The following SART3 variants were observed in gnomAD, a reference collection of about 807,000 sequenced individuals.
The protein encoded by SART3 is spliceosome associated factor 3, U4/U6 recycling protein, also known as HIV-1 Tat-interacting protein of 110kDa.
Under a neutral mutation model 122.3 loss-of-function variants are expected in SART3, and 44 were observed. The observed-to-expected ratio is 0.36, with a 90% CI of 0.28 to 0.46. SART3 has a LOEUF of 0.46. Ranked by LOEUF, SART3 falls within the 20% of genes least tolerant of loss-of-function variation. SART3 has a pLI of 1.00. For missense variants in SART3, 1,101 were observed against 1,229.0 expected, an observed-to-expected ratio of 0.90 and a Z score of 1.56; for synonymous variants, 442 against 454.0, an observed-to-expected ratio of 0.97 and a Z score of 0.34.
chr12:108,538,287 A>AG, intron 7 of SART3, 84 bp from the exon 8 acceptor site: 3 of 1,449,144 alleles, frequency 2.1e-6, no homozygotes, highest in Non-Finnish European at 2.9e-6. Flanking sequence ...CGACCAAGTG[A>AG]TGAAAGAAAT....
chr12:108,524,152 A>ACAAGG, intron 18 of SART3, 164 bp downstream of exon 18: 1 of 715,028 alleles, frequency 1.4e-6, no homozygotes, highest in East Asian at 2.5e-5. Flanking sequence ...CCTGCTCTGG[A>ACAAGG]CGCCTTGCTC....
At chr12:108,560,515 GAA>G in intron 1 of SART3, 1 of 403,250 alleles carries the variant, frequency 2.5e-6, no homozygotes, top group South Asian at 1.1e-4. Flanking sequence ...GGGAGTTCTG[GAA>G]TGGGATCAAA....
chr12:108,527,248 C>T (rs1224807167), intron 15 of SART3, among the ~76,000 whole-genome samples: 1 of 152,218 alleles, frequency 6.6e-6, no homozygotes, highest in African/African-American at 2.4e-5. Context: ...ACCACTCCAG[C>T]CTCCTCGACC....
In SART3 at chr12:108,549,595, C is replaced by T. The variant is rs144209679; in HGVS notation, c.313-381G>A. ...TAGTTTCTAGCTCATACCAGGTCTT[C>T]CAAGGATTTAAAAAATTTCTACTGT... On this transcript the variant is annotated intron_variant, in intron 1 of 18. Coordinates refer to ENST00000546815, the MANE Select transcript of SART3 (RefSeq NM_014706.4). Among the ~76,000 whole-genome samples the T allele has an allele frequency of 2.9e-3, 449 of 152,234 alleles. 1 individual carries two copies. The highest frequency in any genetic ancestry group is 4.8e-3 in the Admixed American group (74 of 15,294).
Position 108,556,633 on chromosome 12 carries a change from C to T in SART3, c.312+4210G>A, listed in dbSNP as rs192227358. 9.8e-5 allele frequency among the ~76,000 whole-genome samples: 15 copies of T among 152,328 alleles called. No individual in the cohort carries two copies. The East Asian group carries it at 2.5e-3, about 25-fold the overall frequency. The stretch of plus-strand genomic sequence containing the variant: ...ACAAGTGTTCTAATCCCCACTTGTT[C>T]TGTTTCCTCATCTGTACCATGAAAG... On this transcript the variant is annotated intron_variant, in intron 1 of 18. Transcript: ENST00000546815.
intron 15 of SART3, among the ~76,000 whole-genome samples, chr12:108,527,406 A>G (rs1872433427): frequency 6.6e-6 from 1 of 152,032 alleles, no homozygotes; most frequent in East Asian, 1.9e-4. Context: ...TGCCACAGTC[A>G]CTCGGTCTTC....
intron 6 of SART3, among the ~76,000 whole-genome samples, chr12:108,541,952 C>T (rs1469379673): frequency 6.6e-6 from 1 of 151,050 alleles, no homozygotes; most frequent in African/African-American, 2.4e-5. Context: ...CTCCTACCTT[C>T]GCCTCTGGAG....
At chr12:108,536,367 G>A (rs1293683377) in intron 11 of SART3, 147 bp downstream of exon 11, 8 of 795,442 alleles carry the variant, frequency 1.0e-5, no homozygotes, top group Admixed American at 6.0e-5. Flanking sequence ...AATCCTTGTG[G>A]AGCCTAGACC....
chr12:108,559,089 C>T (rs2030360552), intron 1 of SART3, among the ~76,000 whole-genome samples: 1 of 151,004 alleles, frequency 6.6e-6, no homozygotes, highest in Non-Finnish European at 1.5e-5. Context: ...CTGCCAACCC[C>T]AACAGGTTCC....
Position 108,526,115 on chromosome 12 carries a change from T to C in SART3, c.2354A>G (p.Lys785Arg), listed in dbSNP as rs944209870. 15 of 1,614,062 alleles carry C rather than the reference T, an allele frequency of 9.3e-6. No individual in the cohort carries two copies. The highest frequency in any genetic ancestry group is 1.3e-5 in the African/African-American group (1 of 74,938). ...MFVSPCVDKSKNPDFKVFRYS... is the reference protein window; with the variant it reads ...MFVSPCVDKSRNPDFKVFRYS... ...TAAACCTACCTTAAAATCGGGGTTT[T>C]TGCTCTTATCCACACAGGGGGAAAC... is the stretch of plus-strand genomic sequence containing the variant. Residue 785 changes from lysine (K) to arginine (R), a missense_variant, in exon 16 of 19, where the codon AAA becomes AGA. Lys to Arg is a conservative substitution (Grantham distance 26). Around this residue, in one of 2 missense-constraint regions of SART3, gnomAD observed 885 missense variants for 1,080.1 expected, o/e 0.82. Transcript: ENST00000546815.
At position 108,523,220 on chromosome 12, in the gene SART3, C is replaced by T; in HGVS notation, c.*237G>A. On this transcript the variant is annotated 3_prime_UTR_variant, in exon 19 of 19. Transcript: ENST00000546815. ...AAGATACAAAACTATCTCAGGACAC[C>T]ACATCCTGGGCCCAGCCTGCAGAGT... 1.7e-6 allele frequency: 1 copy of T among 592,594 alleles called. No individual in the cohort carries two copies. Among genetic ancestry groups the T allele is most frequent in the South Asian group, 2.0e-5 (1 of 50,578 alleles). The allele number at this position is 592,594 out of a possible 1,614,324, so 36.7% of individuals were successfully genotyped here. A position where few individuals can be genotyped will look rare whatever the true frequency, so the allele number is the denominator to read the frequency against.
At position 108,561,134 on chromosome 12, in the gene SART3, G is replaced by C. The variant is rs771960914; in HGVS notation, c.21C>G (p.Thr7=). 5.0e-6 allele frequency: 8 copies of C among 1,613,296 alleles called. No homozygotes were observed. The highest frequency in any genetic ancestry group is 1.6e-4 in the Middle Eastern group (1 of 6,082). Residue 7 remains threonine (T), a synonymous_variant, in exon 1 of 19, where the codon ACC becomes ACG. Coordinates refer to ENST00000546815, the MANE Select transcript of SART3 (RefSeq NM_014706.4). ...ACTCAGCCTCGGGTTCTGAAGCCGAGGTTTCGGCCGCAGTCGCCATCTTGC... is the reference window on the plus strand; with the variant it reads ...ACTCAGCCTCGGGTTCTGAAGCCGACGTTTCGGCCGCAGTCGCCATCTTGC... MATAAE[T]SASEPEAESK... is the part of the protein sequence containing the mutation.
rs147261712 is a variant in SART3 at position 108,546,104 on chromosome 12, T to C, written c.545-781A>G. On this transcript the variant is annotated intron_variant, in intron 3 of 18. Coordinates refer to ENST00000546815, the MANE Select transcript of SART3 (RefSeq NM_014706.4). ...AAGATACACAAAAAATTCTCTATCATCTCAGAACAGTCTATCTGGTTAGTA... is the reference window on the plus strand; with the variant it reads ...AAGATACACAAAAAATTCTCTATCACCTCAGAACAGTCTATCTGGTTAGTA... 7.5e-3 allele frequency among the ~76,000 whole-genome samples: 1,144 copies of C among 152,278 alleles called. 11 individuals are homozygous for C. The highest frequency in any genetic ancestry group is 0.026 in the African/African-American group (1,076 of 41,548).
At position 108,553,676 on chromosome 12, in the gene SART3, T is replaced by C. The variant is rs535329443; in HGVS notation, c.313-4462A>G. On this transcript the variant is annotated intron_variant, in intron 1 of 18. Transcript: ENST00000546815. ...AATACAGAAAGACAGCCAATGAATA[T>C]GATTACTTGAACTTTAGGATAAAAA... is the stretch of plus-strand genomic sequence containing the variant. Among the ~76,000 whole-genome samples the C allele has an allele frequency of 4.6e-5, 7 of 152,328 alleles. No individual in the cohort carries two copies. In the South Asian group the frequency reaches 1.4e-3, roughly 32 times the overall value.
chr12:108,537,358 G>A (rs1354670634), intron 9 of SART3, 130 bp downstream of exon 9: 3 of 717,194 alleles, frequency 4.2e-6, no homozygotes, highest in East Asian at 2.7e-5. Context: ...GATTTCTGGG[G>A]GAAAAAGTCA....
Position 108,561,002 on chromosome 12 carries a change from C to A in SART3, c.153G>T (p.Met51Ile). Residue 51 changes from methionine to isoleucine, a missense_variant, in exon 1 of 19, where the codon ATG becomes ATT. Coordinates refer to ENST00000546815, the MANE Select transcript of SART3 (RefSeq NM_014706.4). ...CCTCCTGCTGATCCCACGCTGGCCC[C>A]ATGGTCTTGTATGTCGCAGCGGCCA... is the stretch of plus-strand genomic sequence containing the variant. ...RAVAAATYKTMGPAWDQQEEG... is the reference protein window; with the variant it reads ...RAVAAATYKTIGPAWDQQEEG... 1.2e-6 allele frequency: 2 copies of A among 1,614,220 alleles called. No individual in the cohort carries two copies. Among genetic ancestry groups the A allele is most frequent in the Non-Finnish European group, 8.5e-7 (1 of 1,180,042 alleles).
Position 108,531,273 on chromosome 12 carries a change from T to C in SART3, c.1677A>G (p.Leu559=). 1 of 1,613,404 alleles carries C rather than the reference T, an allele frequency of 6.2e-7. No individual in the cohort carries two copies. Among genetic ancestry groups the C allele is most frequent in the Non-Finnish European group, 8.5e-7 (1 of 1,179,432 alleles). The change falls in exon 14 of 19, where the codon TTA becomes TTG. Residue 559 remains leucine, a synonymous_variant. Coordinates refer to ENST00000546815, the MANE Select transcript of SART3 (RefSeq NM_014706.4). ...LLTMERTEGS[L]EDWDIAVQKT... ...TCTGAACAGCTATATCCCAATCTTC[T>C]AAAGAACCTTGAAAGAAAGAGAAGC...
intron 13 of SART3, chr12:108,531,688 A>G (rs191847704): frequency 3.4e-5 from 9 of 264,286 alleles, no homozygotes; most frequent in Middle Eastern, 1.4e-3. Context: ...ATACCCACAG[A>G]TAAGTTCACA....
At chr12:108,529,689 T>C (rs902356676) in intron 15 of SART3, among the ~76,000 whole-genome samples, 2 of 152,160 alleles carry the variant, frequency 1.3e-5, no homozygotes. Context: ...TTGTGCACTA[T>C]TCCTGCCCGA....
Sources: allele counts gnomAD v4.1 joint callset (sites outside exome capture counted in the v4.1 genomes callset), GRCh38; gene constraint gnomAD v4.1.1; regional missense constraint gnomAD v4.1.1; transcripts MANE v1.5; gene names NCBI Gene and HGNC (gene_info 2026-07-23, HGNC 2026-07-21).